IGSF3: variants seen among roughly 807,000 people sequenced by gnomAD.
The protein encoded by IGSF3 is glu-Trp-Ile EWI motif-containing protein 3.
IGSF3 carries 23 observed loss-of-function variants against 114.4 expected under a neutral mutation model. The observed-to-expected ratio is 0.20, with a 90% CI of 0.14 to 0.28. The LOEUF is 0.28. Among genes scored for constraint, IGSF3 ranks in the 10% least tolerant of loss-of-function variants. The pLI is 1.00. For synonymous variants in IGSF3, 571 were observed against 645.2 expected, an observed-to-expected ratio of 0.88 and a Z score of 1.74; for missense variants, 1,172 against 1,591.5, an observed-to-expected ratio of 0.74 and a Z score of 4.48.
rs550376123 is a variant in IGSF3 at position 116,649,614 on chromosome 1, C to T, written c.43+16670G>A. Among the ~76,000 whole-genome samples, 1 of 152,346 alleles carries T rather than the reference C, an allele frequency of 6.6e-6. No individual in the cohort carries two copies. The highest frequency in any genetic ancestry group is 2.4e-5 in the African/African-American group (1 of 41,574). ...TCTTCCTTTGACAGCTTCACTCCCT[C>T]CCCGCACTGCTATCAACTCAAATGT... On this transcript the variant is annotated intron_variant, in intron 2 of 10. Coordinates refer to ENST00000369486, the MANE Select transcript of IGSF3 (RefSeq NM_001007237.3). This position sits in a 1 kb window ranked among gnomAD's most constrained non-coding sequence, Gnocchi z 4.5.
intron 2 of IGSF3, among the ~76,000 whole-genome samples, chr1:116,643,137 C>T (rs1648183724): frequency 6.6e-6 from 1 of 152,200 alleles, no homozygotes; most frequent in Admixed American, 6.5e-5. Context: ...ATTCCCCAAA[C>T]ACAATGTGAC....
Position 116,593,939 on chromosome 1 carries a change from T to C in IGSF3, c.2030-4835A>G, listed in dbSNP as rs1660233165. On this transcript the variant is annotated intron_variant, in intron 7 of 10. Transcript: ENST00000369486. The surrounding 1 kb of genome is among the most constrained non-coding windows in gnomAD (Gnocchi z 4.5). The stretch of plus-strand genomic sequence containing the variant: ...TGCAACAAAACTCTGCCTCGTGTCC[T>C]GTGTGACTTTCGAATGACATTCATA... Among the ~76,000 whole-genome samples, 1 of 152,268 alleles carries C rather than the reference T, an allele frequency of 6.6e-6. No homozygotes were observed. Among genetic ancestry groups the C allele is most frequent in the Non-Finnish European group, 1.5e-5 (1 of 68,052 alleles).
At chr1:116,653,537 C>A (rs569754477) in intron 2 of IGSF3, among the ~76,000 whole-genome samples, 34 of 152,156 alleles carry the variant, frequency 2.2e-4, no homozygotes, top group African/African-American at 7.5e-4. Context: ...AGTGGGAAGG[C>A]GAATGTTTGT....
chr1:116,637,948 G>C (rs1281670278), intron 2 of IGSF3, among the ~76,000 whole-genome samples: 6 of 152,134 alleles, frequency 3.9e-5, no homozygotes, highest in Non-Finnish European at 8.8e-5. Flanking sequence ...ACAATACTTG[G>C]CCACACTGTT....
At chr1:116,626,637 G>T (rs755354481) in intron 2 of IGSF3, among the ~76,000 whole-genome samples, 3 of 151,978 alleles carry the variant, frequency 2.0e-5, no homozygotes, top group Non-Finnish European at 4.4e-5. Flanking sequence ...GGATGTCCAT[G>T]GCTATTTCAC....
chr1:116,612,704 A>G lies in IGSF3; in HGVS notation c.832+1061T>C, dbSNP rs1661069369. Among the ~76,000 whole-genome samples, 1 of 152,168 alleles carries G rather than the reference A, an allele frequency of 6.6e-6. No individual in the cohort carries two copies. Among genetic ancestry groups the G allele is most frequent in the Non-Finnish European group, 1.5e-5 (1 of 68,002 alleles). ...CAAGCCACACTCACTCACCAGAACCACCACAGTCCTCACCAGAAGTGAGCT... is the reference window on the plus strand; with the variant it reads ...CAAGCCACACTCACTCACCAGAACCGCCACAGTCCTCACCAGAAGTGAGCT... On this transcript the variant is annotated intron_variant, in intron 4 of 10. Transcript: ENST00000369486. The surrounding 1 kb of genome is among the most constrained non-coding windows in gnomAD (Gnocchi z 4.1).
At chr1:116,591,065 C>A (rs1328698818) in intron 7 of IGSF3, among the ~76,000 whole-genome samples, 1 of 150,626 alleles carries the variant, frequency 6.6e-6, no homozygotes, top group Non-Finnish European at 1.5e-5. Flanking sequence ...CCGGGTTCAT[C>A]TTTTTTGTTA....
Position 116,666,294 on chromosome 1 carries a change from C to CA in IGSF3, c.32dup (p.Ala12GlyfsTer41), listed in dbSNP as rs769478920. ...AGCAGAGCCACTTACCCAGCACAGC[C>CA]AGACAGCTCAGCACCGGGAAAAAGC... On this transcript the variant is annotated frameshift_variant, in exon 2 of 11. Coordinates refer to ENST00000369486, the MANE Select transcript of IGSF3 (RefSeq NM_001007237.3). LOFTEE classifies it high-confidence loss of function. The CA allele has an allele frequency of 1.2e-6, 2 of 1,614,122 alleles. No homozygotes were observed. The highest frequency in any genetic ancestry group is 1.7e-6 in the Non-Finnish European group (2 of 1,179,986).
rs1165844138 is a variant in IGSF3, at chr1:116,661,745, C to G, written c.43+4539G>C. 6.6e-6 allele frequency among the ~76,000 whole-genome samples: 1 copy of G among 152,164 alleles called. No homozygotes were observed. Among genetic ancestry groups the G allele is most frequent in the African/African-American group, 2.4e-5 (1 of 41,438 alleles). The stretch of plus-strand genomic sequence containing the variant: ...CCCCAAAATCTGTTCTCTCCTTTCC[C>G]TACAGTCATAGAATCCCAAGTTTTT... On this transcript the variant is annotated intron_variant, in intron 2 of 10. Coordinates refer to ENST00000369486, the MANE Select transcript of IGSF3 (RefSeq NM_001007237.3). This position sits in a 1 kb window ranked among gnomAD's most constrained non-coding sequence, Gnocchi z 4.0.
intron 2 of IGSF3, among the ~76,000 whole-genome samples, chr1:116,637,211 A>T (rs899725945): frequency 1.3e-5 from 2 of 152,204 alleles, no homozygotes; most frequent in African/African-American, 4.8e-5. Flanking sequence ...AGATAGATGC[A>T]CATTCCCACT....
At chr1:116,646,400 TG>T (rs1648372308) in intron 2 of IGSF3, among the ~76,000 whole-genome samples, 1 of 152,110 alleles carries the variant, frequency 6.6e-6, no homozygotes, top group Non-Finnish European at 1.5e-5. Context: ...TTAAAAGCCT[TG>T]GAAACTAATT....
rs762894929 is a variant in IGSF3, at chr1:116,579,564, G to A, written c.3162C>T (p.Arg1054=). ...PEGSPWEGRL[R]FQRLSPVLYR... is the part of the protein sequence containing the mutation. ...AGAGCACCGGGGAGAGCCTCTGGAA[G>A]CGAAGCCTGCCCTCCCAAGGACTGC... is the stretch of plus-strand genomic sequence containing the variant. Residue 1054 remains arginine, a synonymous_variant, in exon 10 of 11, where the codon CGC becomes CGT. Transcript: ENST00000369486. This position sits in a 1 kb window ranked among gnomAD's most constrained non-coding sequence, Gnocchi z 6.4. 3 of 1,614,072 alleles carry A rather than the reference G, an allele frequency of 1.9e-6. No individual in the cohort carries two copies. In the African/African-American group the frequency reaches 4.0e-5, roughly 22 times the overall value.
chr1:116,653,095 A>T (rs1214817515), intron 2 of IGSF3, among the ~76,000 whole-genome samples: 2 of 152,106 alleles, frequency 1.3e-5, no homozygotes, highest in Non-Finnish European at 2.9e-5. Context: ...AGCCTCACAA[A>T]TCTCTCGGAT....
At position 116,574,934 on chromosome 1, in the gene IGSF3, A is replaced by G. The variant is rs1274474409; in HGVS notation, c.*2378T>C. On this transcript the variant is annotated 3_prime_UTR_variant, in exon 11 of 11. Coordinates refer to ENST00000369486, the MANE Select transcript of IGSF3 (RefSeq NM_001007237.3). This position sits in a 1 kb window ranked among gnomAD's most constrained non-coding sequence, Gnocchi z 5.2. Reference sequence around the variant, plus strand: ...CCCCAGCCCAATACAAAATACACAGAAAAAGCAATTATTAAAATACTGGCT... The same window carrying G: ...CCCCAGCCCAATACAAAATACACAGGAAAAGCAATTATTAAAATACTGGCT... 1 of 152,676 alleles carries G rather than the reference A, an allele frequency of 6.5e-6. No homozygotes were observed. Among genetic ancestry groups the G allele is most frequent in the East Asian group, 1.9e-4 (1 of 5,204 alleles). The allele number at this position is 152,676 out of a possible 1,614,324, so 9.5% of individuals were successfully genotyped here.
In IGSF3 at chr1:116,662,960, C is replaced by T. The variant is rs1354783585; in HGVS notation, c.43+3324G>A. 1.3e-5 allele frequency among the ~76,000 whole-genome samples: 2 copies of T among 152,174 alleles called. No homozygotes were observed. The highest frequency in any genetic ancestry group is 2.9e-5 in the Non-Finnish European group (2 of 68,034). On this transcript the variant is annotated intron_variant, in intron 2 of 10. Coordinates refer to ENST00000369486, the MANE Select transcript of IGSF3 (RefSeq NM_001007237.3). The surrounding 1 kb of genome is among the most constrained non-coding windows in gnomAD (Gnocchi z 4.3). ...TAACTGGGAAGTAAGAGATGGCTTC[C>T]TCAGCCTTACCGTATTCAAAGAAGA... is the stretch of plus-strand genomic sequence containing the variant.
chr1:116,646,622 G>A (rs1395970163), intron 2 of IGSF3, among the ~76,000 whole-genome samples: 1 of 152,152 alleles, frequency 6.6e-6, no homozygotes, highest in Non-Finnish European at 1.5e-5. Context: ...GTTGTCAGCG[G>A]TGAAATACAG....
Position 116,585,526 on chromosome 1 carries a change from T to C in IGSF3, c.2441-474A>G, listed in dbSNP as rs1659803300. On this transcript the variant is annotated intron_variant, in intron 8 of 10. Coordinates refer to ENST00000369486, the MANE Select transcript of IGSF3 (RefSeq NM_001007237.3). This position sits in a 1 kb window ranked among gnomAD's most constrained non-coding sequence, Gnocchi z 4.9. ...AAAGAACTGCAGGGGAAAGCCAGTT[T>C]AATCTGTTCATGTGTTAGCCCTACG... Among the ~76,000 whole-genome samples, 1 of 152,220 alleles carries C rather than the reference T, an allele frequency of 6.6e-6. No individual in the cohort carries two copies. The highest frequency in any genetic ancestry group is 1.5e-5 in the Non-Finnish European group (1 of 68,042).
intron 2 of IGSF3, among the ~76,000 whole-genome samples, chr1:116,631,218 T>TGAGGC (rs957619537): frequency 2.3e-5 from 3 of 128,616 alleles, no homozygotes; most frequent in African/African-American, 7.9e-5. Context: ...CTTGAGAGGC[T>TGAGGC]GAGGCAGGAG....
At position 116,614,310 on chromosome 1, in the gene IGSF3, C is replaced by T. The variant is rs541611275; in HGVS notation, c.422-135G>A. 1 of 672,210 alleles carries T rather than the reference C, an allele frequency of 1.5e-6. No individual in the cohort carries two copies. The highest frequency in any genetic ancestry group is 2.6e-6 in the Non-Finnish European group (1 of 389,700). 41.6% of individuals were successfully genotyped at this position (672,210 alleles called of 1,614,324 possible). On this transcript the variant is annotated intron_variant, in intron 3 of 10. Coordinates refer to ENST00000369486, the MANE Select transcript of IGSF3 (RefSeq NM_001007237.3). This position sits in a 1 kb window ranked among gnomAD's most constrained non-coding sequence, Gnocchi z 4.5. ...TCATCCTTGAACCATCGATTCAAGG[C>T]CACAGACAGCCCCAAATGCACATAA...
Sources: allele counts gnomAD v4.1 joint callset (sites outside exome capture counted in the v4.1 genomes callset), GRCh38; gene constraint gnomAD v4.1.1; non-coding constraint Gnocchi (gnomAD v3.1); transcripts MANE v1.5; gene names NCBI Gene and HGNC (gene_info 2026-07-23, HGNC 2026-07-21).